VTA1: variants seen among roughly 807,000 people sequenced by gnomAD.
The protein encoded by VTA1 is vesicle trafficking 1.
A neutral mutation model predicts 36.9 loss-of-function variants in VTA1; 24 were observed. The observed-to-expected ratio is 0.65, with a 90% CI of 0.47 to 0.91. VTA1 has a LOEUF of 0.91. Among genes scored for constraint, VTA1 ranks in the 40% least tolerant of loss-of-function variants. VTA1 has a pLI of 0.00. For missense variants in VTA1, 393 were observed against 377.2 expected, an observed-to-expected ratio of 1.04 and a Z score of -0.35; for synonymous variants, 142 against 130.2, an observed-to-expected ratio of 1.09 and a Z score of -0.62.
intron 6 of VTA1, among the ~76,000 whole-genome samples, chr6:142,199,092 A>G (rs533558502): frequency 1.5e-4 from 23 of 151,900 alleles, no homozygotes; most frequent in Non-Finnish European, 2.4e-4. Flanking sequence ...GAGGCATGAA[A>G]TCTCAGTAAC....
chr6:142,217,892 A>G (rs1776032057), intron 7 of VTA1, among the ~76,000 whole-genome samples: 2 of 151,982 alleles, frequency 1.3e-5, no homozygotes, highest in Admixed American at 1.3e-4. Flanking sequence ...TGGGCACTAC[A>G]TGTTAATCAT....
At chr6:142,189,877 C>T (rs907059272) in intron 5 of VTA1, among the ~76,000 whole-genome samples, 1 of 152,124 alleles carries the variant, frequency 6.6e-6, no homozygotes, top group Non-Finnish European at 1.5e-5. Context: ...CTGCCTCAGC[C>T]TCCCGAGTAG....
intron 4 of VTA1, among the ~76,000 whole-genome samples, chr6:142,180,446 T>C (rs1028791008): frequency 6.6e-6 from 1 of 152,124 alleles, no homozygotes; most frequent in Admixed American, 6.5e-5. Flanking sequence ...GAATAAATAA[T>C]AGAAGAGCAG....
At chr6:142,172,469 C>T (rs1242689791) in intron 4 of VTA1, among the ~76,000 whole-genome samples, 2 of 152,278 alleles carry the variant, frequency 1.3e-5, no homozygotes, top group East Asian at 3.9e-4. Flanking sequence ...TGGGGCAATG[C>T]CCATTTAGAG....
At chr6:142,172,312 A>T (rs1775042749) in intron 4 of VTA1, among the ~76,000 whole-genome samples, 1 of 152,182 alleles carries the variant, frequency 6.6e-6, no homozygotes, top group Admixed American at 6.5e-5. Context: ...TCCAGCCAGG[A>T]CATTTTTTTT....
At chr6:142,212,275 C>T (rs1368869950) in intron 7 of VTA1, among the ~76,000 whole-genome samples, 1 of 152,154 alleles carries the variant, frequency 6.6e-6, no homozygotes, top group Non-Finnish European at 1.5e-5. Context: ...GATTATCTTG[C>T]TGTCGGTGAA....
chr6:142,218,311 T>C (rs951902402), intron 7 of VTA1, among the ~76,000 whole-genome samples, 187 bp from the exon 8 acceptor site: 3 of 152,170 alleles, frequency 2.0e-5, no homozygotes. Flanking sequence ...CTGTGGTTTA[T>C]ATTAGTAATA....
chr6:142,149,449 T>C (rs1199934926), intron 1 of VTA1, among the ~76,000 whole-genome samples: 1 of 152,190 alleles, frequency 6.6e-6, no homozygotes, highest in Non-Finnish European at 1.5e-5. Flanking sequence ...TGTGAAATGG[T>C]GGTGTCTCAT....
intron 1 of VTA1, among the ~76,000 whole-genome samples, chr6:142,152,824 G>A (rs225629): frequency 0.41 from 61,674 of 151,840 alleles, 13,083 homozygotes; most frequent in Middle Eastern, 0.57. Context: ...TCCTAGAGCA[G>A]GGAAACTTTT....
intron 5 of VTA1, among the ~76,000 whole-genome samples, chr6:142,198,091 C>G (rs1456831460): frequency 3.2e-5 from 4 of 126,520 alleles, no homozygotes; most frequent in African/African-American, 9.8e-5. Context: ...AGTGAGACTC[C>G]GTCTCAAAAA....
Position 142,168,740 on chromosome 6 carries a change from CATTATTATTATTATT to C in VTA1, c.208-782_208-768del, listed in dbSNP as rs3079231. On this transcript the variant is annotated intron_variant, in intron 2 of 7. Transcript: ENST00000367630. Reference sequence around the variant, plus strand: ...TCACACTATGTGCTCTGAGAGATATCATTATTATTATTATTATTATTATTATTATTATTATTATTA... The same window carrying C: ...TCACACTATGTGCTCTGAGAGATATCATTATTATTATTATTATTATTATTA... Among the ~76,000 whole-genome samples, 540 of 140,802 alleles carry C rather than the reference CATTATTATTATTATT, an allele frequency of 3.8e-3. 3 individuals carry two copies. Among genetic ancestry groups the C allele is most frequent in the Non-Finnish European group, 5.3e-3 (347 of 65,096 alleles). 92.4% of individuals were successfully genotyped at this position (140,802 alleles called of 152,430 possible). A position where few individuals can be genotyped will look rare whatever the true frequency, so the allele number is the denominator to read the frequency against.
At chr6:142,187,992 C>A (rs1479226741) in intron 4 of VTA1, among the ~76,000 whole-genome samples, 1 of 149,078 alleles carries the variant, frequency 6.7e-6, no homozygotes, top group Non-Finnish European at 1.5e-5. Flanking sequence ...ACTGCAACCT[C>A]TGCCTCCTGG....
At position 142,166,334 on chromosome 6, in the gene VTA1, A is replaced by G. The variant is rs774843539; in HGVS notation, c.207+12A>G. On this transcript the variant is annotated intron_variant, in intron 2 of 7. Transcript: ENST00000367630. ...ATCAGTTAGAAGCTGTAAGTTAACC[A>G]CTGATCATTTATTTTCTGGTTATGG... is the stretch of plus-strand genomic sequence containing the variant. The G allele has an allele frequency of 6.5e-7, 1 of 1,539,696 alleles. No homozygotes were observed. The highest frequency in any genetic ancestry group is 1.2e-5 in the South Asian group (1 of 84,770).
At chr6:142,162,862 T>A (rs1774835647) in intron 1 of VTA1, among the ~76,000 whole-genome samples, 1 of 152,134 alleles carries the variant, frequency 6.6e-6, no homozygotes, top group Non-Finnish European at 1.5e-5. Context: ...CCTGTAGTAA[T>A]GTGCATAGTT....
In VTA1 at chr6:142,220,406, G is replaced by A. The variant is rs7356794; in HGVS notation, c.*1763G>A. The A allele has an allele frequency of 2.1e-4, 32 of 152,266 alleles. No homozygotes were observed. The highest frequency in any genetic ancestry group is 7.5e-4 in the African/African-American group (31 of 41,554). The allele number at this position is 152,266 out of a possible 1,614,324, so 9.4% of individuals were successfully genotyped here. A position where few individuals can be genotyped will look rare whatever the true frequency, so the allele number is the denominator to read the frequency against. On this transcript the variant is annotated 3_prime_UTR_variant, in exon 8 of 8. Coordinates refer to ENST00000367630, the MANE Select transcript of VTA1 (RefSeq NM_016485.5). ...CAATTGGGAGAGCACATAGAGGGAA[G>A]GAGACAATATAGAAACTACGGAGTC...
At chr6:142,204,239 C>A (rs1775743646) in intron 7 of VTA1, among the ~76,000 whole-genome samples, 174 bp downstream of exon 7, 1 of 152,066 alleles carries the variant, frequency 6.6e-6, no homozygotes, top group African/African-American at 2.4e-5. Context: ...TCAAATGAGC[C>A]AGGATTGTTT....
At chr6:142,167,136 G>C (rs1322771872) in intron 2 of VTA1, among the ~76,000 whole-genome samples, 2 of 152,156 alleles carry the variant, frequency 1.3e-5, no homozygotes, top group African/African-American at 2.4e-5. Context: ...CTCCTAGCAG[G>C]AATGTCGTAG....
At chr6:142,152,973 T>A (rs1312067364) in intron 1 of VTA1, among the ~76,000 whole-genome samples, 3 of 152,118 alleles carry the variant, frequency 2.0e-5, no homozygotes, top group African/African-American at 7.2e-5. Flanking sequence ...TCAGTGCAGA[T>A]TTTACTTCTT....
intron 7 of VTA1, among the ~76,000 whole-genome samples, chr6:142,210,752 C>T (rs1374628104): frequency 6.6e-6 from 1 of 152,094 alleles, no homozygotes; most frequent in Non-Finnish European, 1.5e-5. Flanking sequence ...GAGAACAGTG[C>T]AGAGGTTTCT....
Sources: gnomAD v4.1 joint callset for allele counts (sites outside exome capture counted in the v4.1 genomes callset) on GRCh38, gnomAD v4.1.1 for gene constraint, MANE v1.5 for transcripts, NCBI Gene and HGNC (gene_info 2026-07-23, HGNC 2026-07-21) for gene names.